The following COL5A1 variants were observed in gnomAD, a reference collection of about 807,000 sequenced individuals.
COL5A1 encodes the protein collagen alpha-1(V) chain.
In COL5A1, 16 loss-of-function variants were observed where a neutral mutation model predicts 263.7. That is an observed-to-expected ratio of 0.06 (90% CI 0.04 to 0.09). The LOEUF is 0.09. Ranked by LOEUF, COL5A1 falls within the 10% of genes least tolerant of loss-of-function variation. COL5A1 has a pLI of 1.00. For missense variants in COL5A1, 2,036 were observed against 2,540.5 expected, an observed-to-expected ratio of 0.80 and a Z score of 4.27; for synonymous variants, 1,012 against 1,004.5, an observed-to-expected ratio of 1.01 and a Z score of -0.14.
At chr9:134,674,614 G>A (rs749239726) in intron 1 of COL5A1, among the ~76,000 whole-genome samples, 9 of 152,244 alleles carry the variant, frequency 5.9e-5, no homozygotes, top group East Asian at 3.9e-4. Flanking sequence ...TGGCTGGTGC[G>A]ATGACTCACG....
intron 1 of COL5A1, among the ~76,000 whole-genome samples, chr9:134,688,687 C>T (rs917049786): frequency 6.6e-6 from 1 of 152,226 alleles, no homozygotes; most frequent in Non-Finnish European, 1.5e-5. Flanking sequence ...TGTGCCGCCC[C>T]TCCCCTTTGT....
chr9:134,744,270 C>T (rs1835392168), intron 11 of COL5A1, among the ~76,000 whole-genome samples: 1 of 152,156 alleles, frequency 6.6e-6, no homozygotes, highest in South Asian at 2.1e-4. Flanking sequence ...CACACACACT[C>T]AAGCACACAC....
intron 31 of COL5A1, 145 bp downstream of exon 31, chr9:134,786,193 G>A (rs1327951640): frequency 2.5e-5 from 19 of 758,762 alleles, no homozygotes; most frequent in African/African-American, 3.5e-5. Flanking sequence ...TACGTGTCCT[G>A]GTGCAGGCGT....
At chr9:134,777,240 C>T (rs934504000) in intron 27 of COL5A1, among the ~76,000 whole-genome samples, 1 of 152,246 alleles carries the variant, frequency 6.6e-6, no homozygotes, top group Non-Finnish European at 1.5e-5. Context: ...TATGAGTTCA[C>T]ATCCAGGCCT....
At position 134,758,709 on chromosome 9, in the gene COL5A1, G is replaced by A. The variant is rs1836084358; in HGVS notation, c.1935+413G>A. 6.6e-6 allele frequency among the ~76,000 whole-genome samples: 1 copy of A among 152,160 alleles called. No individual in the cohort carries two copies. On this transcript the variant is annotated intron_variant, in intron 18 of 65. Coordinates refer to ENST00000371817, the MANE Select transcript of COL5A1 (RefSeq NM_000093.5). This position sits in a 1 kb window ranked among gnomAD's most constrained non-coding sequence, Gnocchi z 4.1. Reference sequence around the variant, plus strand: ...AAAGTGGTGGTCCCAAGGGGGTGGGGACAATCTCAAGTGGCCATGTGGAGA... The same window carrying A: ...AAAGTGGTGGTCCCAAGGGGGTGGGAACAATCTCAAGTGGCCATGTGGAGA...
chr9:134,649,338 C>T (rs1831588746), intron 1 of COL5A1: 1 of 375,954 alleles, frequency 2.7e-6, no homozygotes, highest in Non-Finnish European at 5.3e-6. Context: ...GTAAATGTCA[C>T]CATCCTTTGA....
chr9:134,743,770 C>T (rs1423703842), intron 11 of COL5A1, among the ~76,000 whole-genome samples: 1 of 152,190 alleles, frequency 6.6e-6, no homozygotes, highest in Non-Finnish European at 1.5e-5. Flanking sequence ...AAACCTTCTC[C>T]CCCTCTTTTT....
intron 57 of COL5A1, among the ~76,000 whole-genome samples, chr9:134,819,671 ATTC>A (rs1360795530): frequency 6.6e-6 from 1 of 152,182 alleles, no homozygotes; most frequent in African/African-American, 2.4e-5. Context: ...AGTGTCATGG[ATTC>A]TTCTTTTTTT....
At chr9:134,797,193 G>A (rs1292173036) in intron 36 of COL5A1, among the ~76,000 whole-genome samples, 2 of 150,488 alleles carry the variant, frequency 1.3e-5, no homozygotes, top group Non-Finnish European at 3.0e-5. Flanking sequence ...GATTTTCTCT[G>A]AGTTCTGTGT....
At chr9:134,646,842 G>A (rs374661310) in intron 1 of COL5A1, among the ~76,000 whole-genome samples, 1 of 152,200 alleles carries the variant, frequency 6.6e-6, no homozygotes, top group South Asian at 2.1e-4. Flanking sequence ...CAGCAAGGTC[G>A]GTGTGAGGCT....
At chr9:134,645,436 C>G (rs567254076) in intron 1 of COL5A1, among the ~76,000 whole-genome samples, 2 of 152,210 alleles carry the variant, frequency 1.3e-5, no homozygotes, top group Admixed American at 6.5e-5. Flanking sequence ...CGCTGGAGGG[C>G]GAGGATGAGT....
At chr9:134,782,171 G>A (rs898227298) in intron 28 of COL5A1, among the ~76,000 whole-genome samples, 11 of 151,694 alleles carry the variant, frequency 7.3e-5, no homozygotes, top group African/African-American at 2.7e-4. Flanking sequence ...GACTTCCCCC[G>A]CCACCCCCGG....
chr9:134,690,857 C>T (rs374839035), intron 1 of COL5A1, 55 bp from the exon 2 acceptor site: 5 of 1,607,168 alleles, frequency 3.1e-6, no homozygotes, highest in Non-Finnish European at 3.4e-6. Flanking sequence ...TCCGGGTGTT[C>T]CCAGGTGCTC....
rs557174383 is a variant in COL5A1, at chr9:134,678,216, G to A, written c.110-12696G>A. On this transcript the variant is annotated intron_variant, in intron 1 of 65. Coordinates refer to ENST00000371817, the MANE Select transcript of COL5A1 (RefSeq NM_000093.5). The surrounding 1 kb of genome is among the most constrained non-coding windows in gnomAD (Gnocchi z 5.5). ...GTGGTCTGTATCTCTGGTGGTCTGTGGCTCTGAAGCCATGGGCAGCTTGCT... is the reference window on the plus strand; with the variant it reads ...GTGGTCTGTATCTCTGGTGGTCTGTAGCTCTGAAGCCATGGGCAGCTTGCT... Among the ~76,000 whole-genome samples the A allele has an allele frequency of 1.3e-3, 205 of 152,316 alleles. No individual in the cohort carries two copies. The highest frequency in any genetic ancestry group is 4.7e-3 in the African/African-American group (197 of 41,552).
At chr9:134,715,977 CTGG>C (rs58511351) in intron 4 of COL5A1, among the ~76,000 whole-genome samples, 83,867 of 149,496 alleles carry the variant, frequency 0.56, 24,628 homozygotes, top group East Asian at 0.87. Context: ...GATGGTGATG[CTGG>C]TGGTGGTGGT....
chr9:134,824,732 A>T lies in COL5A1; in HGVS notation c.4831A>T (p.Ile1611Phe), dbSNP rs754447923. ...YVDYADGMEE[I>F]FGSLNSLKLE... ...GGACTACGCGGACGGCATGGAAGAG[A>T]TCTTCGGCTCTCTCAACTCTCTGAA... The change falls in exon 62 of 66, where the codon ATC becomes TTC. Residue 1611 changes from isoleucine (I) to phenylalanine (F), a missense_variant. By Grantham distance (21) the Ile-to-Phe change is conservative. Coordinates refer to ENST00000371817, the MANE Select transcript of COL5A1 (RefSeq NM_000093.5). 1.2e-6 allele frequency: 2 copies of T among 1,614,184 alleles called. No individual in the cohort carries two copies. The highest frequency in any genetic ancestry group is 3.3e-5 in the Admixed American group (2 of 60,032).
At chr9:134,662,186 G>C (rs1032876239) in intron 1 of COL5A1, among the ~76,000 whole-genome samples, 1 of 151,692 alleles carries the variant, frequency 6.6e-6, no homozygotes, top group Admixed American at 6.6e-5. Flanking sequence ...AGGGTAGTCT[G>C]GTCTCTTTCT....
chr9:134,778,223 A>T (rs1837120769), intron 27 of COL5A1, among the ~76,000 whole-genome samples: 1 of 152,212 alleles, frequency 6.6e-6, no homozygotes, highest in Non-Finnish European at 1.5e-5. Context: ...GGAAGAAGGC[A>T]TCTGCTAGGA....
At chr9:134,714,896 T>A (rs1454436808) in intron 4 of COL5A1, among the ~76,000 whole-genome samples, 3 of 151,312 alleles carry the variant, frequency 2.0e-5, no homozygotes, top group Non-Finnish European at 3.0e-5. Flanking sequence ...CTGGTGAAGG[T>A]GGTGGTGGAG....
Sources: allele counts gnomAD v4.1 joint callset (sites outside exome capture counted in the v4.1 genomes callset), GRCh38; gene constraint gnomAD v4.1.1; non-coding constraint Gnocchi (gnomAD v3.1); transcripts MANE v1.5; gene names NCBI Gene and HGNC (gene_info 2026-07-23, HGNC 2026-07-21).